Variants in WNK3 observed in about 807,000 individuals in gnomAD.
WNK3 encodes the protein WNK lysine deficient protein kinase 3.
WNK3 carries 18 observed loss-of-function variants against 116.7 expected under a neutral mutation model. The observed-to-expected ratio is 0.15, with a 90% CI of 0.11 to 0.23. The LOEUF is 0.23. WNK3 is among the 10% of genes least tolerant of loss of function. WNK3 has a pLI of 1.00. For synonymous variants in WNK3, 404 were observed against 469.4 expected (o/e 0.86, Z 1.80); for missense variants, 993 against 1,323.8 (o/e 0.75, Z 3.88).
At chrX:54,255,604 G>T in intron 12 of WNK3, 136 bp downstream of exon 12, 2 of 478,148 alleles carry the variant, frequency 4.2e-6, no homozygotes, top group Non-Finnish European at 6.5e-6. Flanking sequence ...ACTCACATTG[G>T]AAAGTCTGTA....
intron 21 of WNK3, among the ~76,000 whole-genome samples, chrX:54,230,695 T>C (rs2146840838): frequency 8.9e-6 from 1 of 112,575 alleles, no homozygotes; most frequent in East Asian, 2.8e-4. Flanking sequence ...AAAACTTATG[T>C]TCACCCAAAA....
intron 2 of WNK3, among the ~76,000 whole-genome samples, chrX:54,329,684 C>T (rs1030626699): frequency 1.8e-5 from 2 of 110,111 alleles, no homozygotes; most frequent in African/African-American, 6.6e-5. Context: ...TGCAGTTTCT[C>T]CCACTGAAAT....
chrX:54,226,094 C>CAAAAAAA (rs2067833214), intron 22 of WNK3, among the ~76,000 whole-genome samples: 9 of 11,995 alleles, frequency 7.5e-4, no homozygotes, highest in Non-Finnish European at 4.3e-3. Context: ...ATCCACATAC[C>CAAAAAAA]CAAAAAAAAA....
intron 22 of WNK3, among the ~76,000 whole-genome samples, chrX:54,220,495 G>A (rs907643510): frequency 7.2e-5 from 8 of 110,671 alleles, no homozygotes; most frequent in Admixed American, 2.9e-4. Context: ...AGGCTGCAGT[G>A]AGCTGTGATG....
intron 6 of WNK3, among the ~76,000 whole-genome samples, chrX:54,300,689 GC>G (rs2068748390): frequency 9.0e-6 from 1 of 111,662 alleles, no homozygotes; most frequent in Non-Finnish European, 1.9e-5. Context: ...AACTAAAATA[GC>G]TACTTCTATA....
intron 10 of WNK3, among the ~76,000 whole-genome samples, chrX:54,289,352 A>G (rs1351504634): frequency 4.5e-5 from 5 of 110,791 alleles, no homozygotes; most frequent in South Asian, 3.9e-4. Flanking sequence ...TGCTGGGGAC[A>G]TATCACAAAG....
intron 22 of WNK3, 63 bp downstream of exon 22, chrX:54,228,649 AAT>A: frequency 2.3e-6 from 1 of 441,705 alleles, no homozygotes; most frequent in Non-Finnish European, 4.1e-6. Context: ...TGATATGTGA[AAT>A]ATCTCAATAA....
chrX:54,237,078 G>A (rs782232250), exon 20 of WNK3: 2 of 1,212,089 alleles, frequency 1.7e-6, no homozygotes, highest in Middle Eastern at 4.6e-4. Flanking sequence ...GGTGTGGTAA[G>A]CACTGATTAC....
chrX:54,339,544 T>C (rs1257924984), intron 1 of WNK3, among the ~76,000 whole-genome samples: 1 of 111,492 alleles, frequency 9.0e-6, no homozygotes, highest in Non-Finnish European at 1.9e-5. Flanking sequence ...AGGACAGACA[T>C]ATAGGTCAAT....
At chrX:54,355,485 A>G (rs2069581827) in intron 1 of WNK3, among the ~76,000 whole-genome samples, 3 of 110,935 alleles carry the variant, frequency 2.7e-5, no homozygotes, top group Non-Finnish European at 5.7e-5. Flanking sequence ...AGCTTGGTGG[A>G]GGATGCTGGG....
intron 1 of WNK3, among the ~76,000 whole-genome samples, chrX:54,336,994 G>A (rs2069247637): frequency 9.0e-6 from 1 of 110,968 alleles, no homozygotes; most frequent in African/African-American, 3.3e-5. Flanking sequence ...GACTAGTATT[G>A]TATGCAAGTG....
At chrX:54,333,260 T>C in exon 2 of WNK3, 1 of 1,211,176 alleles carries the variant, frequency 8.3e-7, no homozygotes, top group South Asian at 1.8e-5. Flanking sequence ...GAGAAGTAGC[T>C]ACAGCCTTCA....
At chrX:54,205,225 C>A (rs2067540003) in intron 22 of WNK3, among the ~76,000 whole-genome samples, 1 of 100,375 alleles carries the variant, frequency 1.0e-5, no homozygotes, top group Non-Finnish European at 2.0e-5. Flanking sequence ...CACACACACA[C>A]AAAACCAAAC....
At chrX:54,302,342 G>C in intron 5 of WNK3, among the ~76,000 whole-genome samples, 2 of 111,296 alleles carry the variant, frequency 1.8e-5, no homozygotes, top group Admixed American at 1.9e-4. Flanking sequence ...CTGTCGCCCA[G>C]GCTGGAGTGC....
intron 22 of WNK3, among the ~76,000 whole-genome samples, chrX:54,203,776 G>A (rs1041223169): frequency 9.1e-6 from 1 of 109,426 alleles, no homozygotes; most frequent in Non-Finnish European, 1.9e-5. Flanking sequence ...ATGAAACCCC[G>A]TCTCTACTAA....
rs781867594 is a variant in WNK3 at position 54,274,256 on chromosome X, A to G, written c.2038-14918T>C. On this transcript the variant is annotated intron_variant, in intron 10 of 23. Transcript: ENST00000354646. Reference sequence around the variant, plus strand: ...TCTACTACCATTCTTCTATGTAACTATTTAATACTTTTGCTTCCATCATTA... The same window carrying G: ...TCTACTACCATTCTTCTATGTAACTGTTTAATACTTTTGCTTCCATCATTA... Among the ~76,000 whole-genome samples the G allele has an allele frequency of 4.5e-5, 5 of 111,748 alleles. No homozygotes were observed. The East Asian group carries it at 1.4e-3, about 31-fold the overall frequency.
At chrX:54,224,632 A>C (rs1164221595) in intron 22 of WNK3, among the ~76,000 whole-genome samples, 4 of 104,712 alleles carry the variant, frequency 3.8e-5, no homozygotes, top group Non-Finnish European at 5.8e-5. Flanking sequence ...TGCAGTGGCA[A>C]GATCTCGGCT....
intron 2 of WNK3, among the ~76,000 whole-genome samples, chrX:54,314,218 AC>A (rs2068925083): frequency 2.8e-5 from 3 of 108,010 alleles, no homozygotes; most frequent in Admixed American, 1.0e-4. Flanking sequence ...AAAAAAAAAA[AC>A]AAAACACATT....
At chrX:54,323,935 C>A (rs1298172353) in intron 2 of WNK3, among the ~76,000 whole-genome samples, 1 of 112,336 alleles carries the variant, frequency 8.9e-6, no homozygotes, top group East Asian at 2.8e-4. Context: ...TAACAAATTA[C>A]AACAAACACA....
Sources: gnomAD v4.1 joint callset for allele counts (sites outside exome capture counted in the v4.1 genomes callset) on GRCh38, gnomAD v4.1.1 for gene constraint, MANE v1.5 for transcripts, NCBI Gene and HGNC (gene_info 2026-07-23, HGNC 2026-07-21) for gene names.